Variants in HIBADH observed in about 807,000 individuals in gnomAD.
HIBADH encodes the protein 3-hydroxyisobutyrate dehydrogenase, mitochondrial.
A neutral mutation model predicts 36.1 loss-of-function variants in HIBADH; 25 were observed. The observed-to-expected ratio is 0.69, with a 90% CI of 0.50 to 0.97. The LOEUF (loss-of-function observed/expected upper bound fraction) is 0.97, where lower values mean the gene tolerates loss of function less well. Ranked by LOEUF, HIBADH falls within the 50% of genes least tolerant of loss-of-function variation. HIBADH has a pLI of 0.00. For synonymous variants in HIBADH, 160 were observed against 149.5 expected (o/e 1.07, Z -0.51); for missense variants, 421 against 418.0 (o/e 1.01, Z -0.06).
chr7:27,546,529 C>T (rs144715130), intron 4 of HIBADH, among the ~76,000 whole-genome samples: 1 of 152,128 alleles, frequency 6.6e-6, no homozygotes, highest in Non-Finnish European at 1.5e-5. Context: ...AATTTTAGCC[C>T]CTCTTTTTAA....
chr7:27,536,298 T>C (rs1257339047), intron 6 of HIBADH, among the ~76,000 whole-genome samples: 1 of 152,094 alleles, frequency 6.6e-6, no homozygotes, highest in Non-Finnish European at 1.5e-5. Context: ...AGCAATTCAT[T>C]GGTATAATCT....
chr7:27,645,368 A>AGG (rs1554300960), intron 2 of HIBADH, among the ~76,000 whole-genome samples: 5 of 59,650 alleles, frequency 8.4e-5, no homozygotes, highest in Admixed American at 6.8e-4. Context: ...CATGGTTTTG[A>AGG]TTTTTTTTTT....
intron 1 of HIBADH, 106 bp from the exon 2 acceptor site, chr7:27,649,739 G>A: frequency 9.2e-7 from 1 of 1,081,546 alleles, no homozygotes; most frequent in Non-Finnish European, 1.3e-6. Flanking sequence ...TTTAATAAAA[G>A]AAACTTTCAG....
chr7:27,572,650 T>C (rs1464194963), intron 4 of HIBADH, among the ~76,000 whole-genome samples: 1 of 152,192 alleles, frequency 6.6e-6, no homozygotes, highest in African/African-American at 2.4e-5. Flanking sequence ...CATTAGGTAC[T>C]TGAAATCTCT....
chr7:27,589,275 A>T (rs780054999), intron 4 of HIBADH, among the ~76,000 whole-genome samples: 51 of 152,110 alleles, frequency 3.4e-4, no homozygotes, highest in Non-Finnish European at 5.9e-4. Context: ...GAAAACCTTA[A>T]TTTTTTTGTT....
At chr7:27,550,556 T>G (rs1379120998) in intron 4 of HIBADH, among the ~76,000 whole-genome samples, 1 of 152,174 alleles carries the variant, frequency 6.6e-6, no homozygotes, top group Non-Finnish European at 1.5e-5. Context: ...GGCTGTTCCC[T>G]CACATGAAAT....
At chr7:27,652,035 T>C (rs1786204148) in intron 1 of HIBADH, among the ~76,000 whole-genome samples, 1 of 152,194 alleles carries the variant, frequency 6.6e-6, no homozygotes, top group Non-Finnish European at 1.5e-5. Context: ...ATGACAGTAA[T>C]AGTTAATATT....
rs544478933 is a variant in HIBADH at position 27,659,701 on chromosome 7, A to G, written c.91+2997T>C. Among the ~76,000 whole-genome samples the G allele has an allele frequency of 9.3e-4, 141 of 151,312 alleles. 3 individuals carry two copies. Among genetic ancestry groups the G allele is most frequent in the Non-Finnish European group, 1.5e-5 (1 of 67,740 alleles). On this transcript the variant is annotated intron_variant, in intron 1 of 7. Coordinates refer to ENST00000265395, the MANE Select transcript of HIBADH (RefSeq NM_152740.4). ...TGCACCACTGCACTCCAGCCTGGAC[A>G]AGAGAGAGAGAGAGACCCCATCTCA...
At chr7:27,604,848 G>A (rs1002755825) in intron 4 of HIBADH, among the ~76,000 whole-genome samples, 3 of 152,080 alleles carry the variant, frequency 2.0e-5, no homozygotes, top group African/African-American at 7.2e-5. Context: ...GAACATCAAG[G>A]TGGGAGGTCA....
At chr7:27,547,826 C>T (rs1784256127) in intron 4 of HIBADH, among the ~76,000 whole-genome samples, 1 of 151,988 alleles carries the variant, frequency 6.6e-6, no homozygotes, top group Non-Finnish European at 1.5e-5. Flanking sequence ...AAAACTATGG[C>T]ATGTTTTACT....
At chr7:27,534,817 C>A (rs956703599) in intron 6 of HIBADH, among the ~76,000 whole-genome samples, 1 of 151,812 alleles carries the variant, frequency 6.6e-6, no homozygotes, top group African/African-American at 2.4e-5. Context: ...AATATCATTA[C>A]CACATATCGA....
chr7:27,647,685 A>G, intron 2 of HIBADH: 1 of 416,790 alleles, frequency 2.4e-6, no homozygotes, highest in African/African-American at 2.1e-5. Context: ...AAAATTAGCA[A>G]CACTAAAGAA....
chr7:27,642,947 G>A (rs894474386), intron 2 of HIBADH, among the ~76,000 whole-genome samples: 11 of 152,118 alleles, frequency 7.2e-5, no homozygotes, highest in African/African-American at 1.7e-4. Context: ...CACCGCGCCC[G>A]GCCAAATGTC....
intron 4 of HIBADH, among the ~76,000 whole-genome samples, chr7:27,561,014 T>C (rs1219383608): frequency 6.6e-6 from 1 of 152,202 alleles, no homozygotes; most frequent in Non-Finnish European, 1.5e-5. Flanking sequence ...GAGTGTTCAG[T>C]GTAATCTCTT....
At chr7:27,591,266 C>T (rs1313290214) in intron 4 of HIBADH, among the ~76,000 whole-genome samples, 1 of 152,064 alleles carries the variant, frequency 6.6e-6, no homozygotes, top group Non-Finnish European at 1.5e-5. Context: ...AGATTATCAC[C>T]TGTGGCCGGG....
chr7:27,582,178 A>G (rs1462012841), intron 4 of HIBADH, among the ~76,000 whole-genome samples: 1 of 152,122 alleles, frequency 6.6e-6, no homozygotes, highest in East Asian at 1.9e-4. Flanking sequence ...CAAGTACACA[A>G]TCCCTTCCCT....
chr7:27,638,222 A>G (rs1265136058), intron 2 of HIBADH, among the ~76,000 whole-genome samples: 1 of 151,468 alleles, frequency 6.6e-6, no homozygotes, highest in African/African-American at 2.4e-5. Flanking sequence ...ATGGTACTGG[A>G]ACAAAACAGG....
At chr7:27,660,834 G>C (rs1470397849) in intron 1 of HIBADH, among the ~76,000 whole-genome samples, 1 of 152,174 alleles carries the variant, frequency 6.6e-6, no homozygotes, top group East Asian at 1.9e-4. Flanking sequence ...TCAGCACTCT[G>C]AGGTAGGCCC....
chr7:27,630,907 A>C (rs959503976), intron 3 of HIBADH, among the ~76,000 whole-genome samples: 2 of 152,184 alleles, frequency 1.3e-5, no homozygotes, highest in African/African-American at 2.4e-5. Context: ...AATTAAGTTT[A>C]TCAATCTGTG....
Sources: gnomAD v4.1 joint callset for allele counts (sites outside exome capture counted in the v4.1 genomes callset) on GRCh38, gnomAD v4.1.1 for gene constraint, MANE v1.5 for transcripts, NCBI Gene and HGNC (gene_info 2026-07-23, HGNC 2026-07-21) for gene names.